OSBPL9: variants seen among roughly 807,000 people sequenced by gnomAD.
OSBPL9 encodes the protein oxysterol binding protein like 9.
A neutral mutation model predicts 106.6 loss-of-function variants in OSBPL9; 40 were observed. That is an observed-to-expected ratio of 0.38 (90% CI 0.29 to 0.49). OSBPL9 has a LOEUF of 0.49. OSBPL9 is among the 20% of genes least tolerant of loss of function. The pLI is 0.97. For synonymous variants in OSBPL9, 269 were observed against 295.4 expected (o/e 0.91, Z 0.92); for missense variants, 609 against 887.2 (o/e 0.69, Z 3.98).
chr1:51,565,962 C>T, the OSBPL9 span: 1 of 152,290 alleles, frequency 6.6e-6, no homozygotes, highest in African/African-American at 2.4e-5. Context: ...GTACAGCTTT[C>T]CAGAATAATA....
At chr1:51,621,159 C>A (rs757114736) in intron 1 of OSBPL9, among the ~76,000 whole-genome samples, 1 of 152,210 alleles carries the variant, frequency 6.6e-6, no homozygotes, top group Admixed American at 6.5e-5. Flanking sequence ...CCTTCCTCCT[C>A]TATTGAATTA....
intron 1 of OSBPL9, among the ~76,000 whole-genome samples, chr1:51,594,410 TAAAAAA>T (rs1473972502): frequency 6.8e-6 from 1 of 148,058 alleles, no homozygotes; most frequent in African/African-American, 2.5e-5. Context: ...TCAAAAAAAA[TAAAAAA>T]GAAAGAAACA....
chr1:51,663,453 G>A (rs1027118373), intron 2 of OSBPL9, among the ~76,000 whole-genome samples: 6 of 152,148 alleles, frequency 3.9e-5, no homozygotes, highest in African/African-American at 1.4e-4. Flanking sequence ...CTTTGGGGAT[G>A]GCTGGCTATG....
chr1:51,642,409 C>T (rs1645859280), intron 1 of OSBPL9, among the ~76,000 whole-genome samples: 1 of 152,068 alleles, frequency 6.6e-6, no homozygotes, highest in Admixed American at 6.6e-5. Flanking sequence ...TTAATTTTAT[C>T]ATGAATGCAC....
intron 2 of OSBPL9, among the ~76,000 whole-genome samples, chr1:51,602,015 G>GTTTTTTTTTTTTTT (rs1266396456): frequency 6.1e-5 from 1 of 16,318 alleles, no homozygotes; most frequent in Non-Finnish European, 1.3e-4. Context: ...CATTCTTGGG[G>GTTTTTTTTTTTTTT]TTCTTTTTTT....
chr1:51,605,853 C>A (rs112438362), intron 2 of OSBPL9, among the ~76,000 whole-genome samples: 1 of 151,854 alleles, frequency 6.6e-6, no homozygotes, highest in Non-Finnish European at 1.5e-5. Context: ...TGGTGGCAGG[C>A]GCCTGTAATC....
chr1:51,646,793 C>T lies in OSBPL9; in HGVS notation c.112-5198C>T, dbSNP rs551215340. On this transcript the variant is annotated intron_variant, in intron 1 of 23. Coordinates refer to ENST00000428468, the MANE Select transcript of OSBPL9 (RefSeq NM_024586.6). ...CAAGTGATCCACCTGTTGCAGCCTC[C>T]CAAAGTGCTGGGATTACAGGTGTGA... is the stretch of plus-strand genomic sequence containing the variant. Among the ~76,000 whole-genome samples, 809 of 152,264 alleles carry T rather than the reference C, an allele frequency of 5.3e-3. 3 individuals carry two copies. Among genetic ancestry groups the T allele is most frequent in the Middle Eastern group, 0.014 (4 of 294 alleles).
Position 51,593,889 on chromosome 1 carries a change from ATAAT to A in OSBPL9, c.-422-4230_-422-4227del, listed in dbSNP as rs971270944. Among the ~76,000 whole-genome samples, 25 of 147,716 alleles carry A rather than the reference ATAAT, an allele frequency of 1.7e-4. No homozygotes were observed. The Middle Eastern group carries it at 0.01, about 62-fold the overall frequency. Reference sequence around the variant, plus strand: ...AGTGCCCTATCTACTGCACCCTCAAATAATTAATCAGATTTCACACACACACACA... The same window carrying A: ...AGTGCCCTATCTACTGCACCCTCAAATAATCAGATTTCACACACACACACA... On this transcript the variant is annotated intron_variant, in intron 1 of 25. Coordinates refer to the OSBPL9 transcript ENST00000371714.
intron 3 of OSBPL9, among the ~76,000 whole-genome samples, chr1:51,687,158 G>C (rs896395151): frequency 6.6e-6 from 1 of 152,122 alleles, no homozygotes; most frequent in Non-Finnish European, 1.5e-5. Context: ...CTAGGGTTTG[G>C]CTTAGTGATA....
At chr1:51,613,521 G>A (rs1282396015), upstream of OSBPL9, among the ~76,000 whole-genome samples, 1 of 152,146 alleles carries the variant, frequency 6.6e-6, no homozygotes, top group Non-Finnish European at 1.5e-5. Flanking sequence ...TACTCACAGA[G>A]TTATTGTGAT....
At chr1:51,670,310 A>G (rs889799853) in intron 3 of OSBPL9, among the ~76,000 whole-genome samples, 1 of 152,228 alleles carries the variant, frequency 6.6e-6, no homozygotes, top group African/African-American at 2.4e-5. Flanking sequence ...GAGCAGTTCA[A>G]GAAACTTAGA....
intron 4 of OSBPL9, among the ~76,000 whole-genome samples, chr1:51,733,367 C>G (rs868430627): frequency 6.6e-6 from 1 of 152,160 alleles, no homozygotes; most frequent in South Asian, 2.1e-4. Flanking sequence ...CTCAGTTTTA[C>G]TGGAGTTAGG....
chr1:51,527,405 T>C, the OSBPL9 span, among the ~76,000 whole-genome samples: 1 of 151,914 alleles, frequency 6.6e-6, no homozygotes, highest in African/African-American at 2.4e-5. Flanking sequence ...TTTTAAAAAA[T>C]TTTTTTAGAT....
intron 2 of OSBPL9, among the ~76,000 whole-genome samples, chr1:51,662,896 C>G (rs1412310460): frequency 6.6e-6 from 1 of 151,998 alleles, no homozygotes; most frequent in East Asian, 1.9e-4. Flanking sequence ...AGGCGCCCAC[C>G]ACCAGGCCTG....
At chr1:51,671,578 C>G (rs1434481200) in intron 3 of OSBPL9, among the ~76,000 whole-genome samples, 1 of 151,900 alleles carries the variant, frequency 6.6e-6, no homozygotes, top group Non-Finnish European at 1.5e-5. Context: ...AATTCCTTGC[C>G]CCTTGAGTCA....
intron 2 of OSBPL9, among the ~76,000 whole-genome samples, chr1:51,605,960 G>A (rs114275381): frequency 0.012 from 1,851 of 150,798 alleles, 38 homozygotes; most frequent in African/African-American, 0.044. Context: ...GCTAGACTCC[G>A]TCTCAAAAGA....
In OSBPL9 at chr1:51,750,153, A is replaced by C. The variant is rs1337761903; in HGVS notation, c.501A>C (p.Val167=). 1.1e-5 allele frequency: 18 copies of C among 1,604,420 alleles called. No homozygotes were observed. Among genetic ancestry groups the C allele is most frequent in the Non-Finnish European group, 1.5e-5 (18 of 1,175,894 alleles). The change falls in exon 8 of 24, where the codon GTA becomes GTC. Residue 167 remains valine, a synonymous_variant. Transcript: ENST00000428468. The part of the protein sequence containing the change: ...ETLKETTNSM[V]ESIKHCIVLL... Reference sequence around the variant, plus strand: ...GTGTTTTGTTTTTATAGAGCATGGTAGAATCAATTAAACACTGCATTGTGT... The same window carrying C: ...GTGTTTTGTTTTTATAGAGCATGGTCGAATCAATTAAACACTGCATTGTGT...
At chr1:51,639,611 A>T (rs1053428893) in intron 1 of OSBPL9, among the ~76,000 whole-genome samples, 8 of 152,192 alleles carry the variant, frequency 5.3e-5, no homozygotes, top group Non-Finnish European at 1.0e-4. Flanking sequence ...AGATAGAAAT[A>T]ATAAGTGCCT....
At chr1:51,573,212 C>CAAAAA (rs5774102), upstream of OSBPL9, among the ~76,000 whole-genome samples, 2 of 118,584 alleles carry the variant, frequency 1.7e-5, no homozygotes, top group Non-Finnish European at 3.7e-5. Flanking sequence ...ACTCCATCTC[C>CAAAAA]AAAAAAAAAA....
Sources: allele counts gnomAD v4.1 joint callset (sites outside exome capture counted in the v4.1 genomes callset), GRCh38; gene constraint gnomAD v4.1.1; transcripts MANE v1.5; gene names NCBI Gene and HGNC (gene_info 2026-07-23, HGNC 2026-07-21).